CNTNAP2: variants seen among roughly 807,000 people sequenced by gnomAD.
CNTNAP2 encodes contactin associated protein 2.
Under a neutral mutation model 155.2 loss-of-function variants are expected in CNTNAP2, and 98 were observed. The observed-to-expected ratio is 0.63, with a 90% CI of 0.54 to 0.75. The LOEUF is 0.75. Ranked by LOEUF, CNTNAP2 falls within the 30% of genes least tolerant of loss-of-function variation. The pLI is 0.00. For missense variants in CNTNAP2, 1,727 were observed against 1,688.1 expected (o/e 1.02, Z -0.40); for synonymous variants, 651 against 631.2 (o/e 1.03, Z -0.47).
intron 3 of CNTNAP2, among the ~76,000 whole-genome samples, chr7:146,871,764 C>CA: frequency 6.6e-6 from 1 of 151,708 alleles, no homozygotes; most frequent in Non-Finnish European, 1.5e-5. Flanking sequence ...TTTATTATTT[C>CA]AAAAAAACTA....
chr7:147,063,429 C>T (rs1383746770), intron 4 of CNTNAP2, among the ~76,000 whole-genome samples: 1 of 152,078 alleles, frequency 6.6e-6, no homozygotes, highest in Non-Finnish European at 1.5e-5. Context: ...AGGTATGGGA[C>T]ACACTTGGGT....
Position 147,386,503 on chromosome 7 carries a change from G to A in CNTNAP2, c.1499-9106G>A, listed in dbSNP as rs567167492. Among the ~76,000 whole-genome samples, 146 of 152,126 alleles carry A rather than the reference G, an allele frequency of 9.6e-4. 1 individual carries two copies. The highest frequency in any genetic ancestry group is 2.9e-3 in the Admixed American group (44 of 15,262). Reference sequence around the variant, plus strand: ...ACCCTAAATCACCTATCTGAAGTTCGAAGTTTCACAAATCTCTAGGGCAGG... The same window carrying A: ...ACCCTAAATCACCTATCTGAAGTTCAAAGTTTCACAAATCTCTAGGGCAGG... On this transcript the variant is annotated intron_variant, in intron 9 of 23. Coordinates refer to ENST00000361727, the MANE Select transcript of CNTNAP2 (RefSeq NM_014141.6).
At chr7:148,062,004 TAGATG>T (rs1803161648) in intron 15 of CNTNAP2, among the ~76,000 whole-genome samples, 1 of 98,504 alleles carries the variant, frequency 1.0e-5, no homozygotes, top group African/African-American at 5.5e-5. Context: ...GATAGATAGA[TAGATG>T]ATAGAGAGAG....
At chr7:147,425,636 T>C (rs1457092086) in intron 10 of CNTNAP2, among the ~76,000 whole-genome samples, 1 of 152,152 alleles carries the variant, frequency 6.6e-6, no homozygotes, top group African/African-American at 2.4e-5. Context: ...TCTGGATCTT[T>C]CTCTGATAAC....
intron 6 of CNTNAP2, among the ~76,000 whole-genome samples, chr7:147,123,543 G>T (rs1801163585): frequency 6.6e-6 from 1 of 152,202 alleles, no homozygotes; most frequent in South Asian, 2.1e-4. Context: ...TTATTTATTA[G>T]ACAGAAACAG....
intron 1 of CNTNAP2, among the ~76,000 whole-genome samples, chr7:146,659,777 C>T (rs1800056305): frequency 6.6e-6 from 1 of 152,174 alleles, no homozygotes; most frequent in Non-Finnish European, 1.5e-5. Context: ...CTTATCAGCC[C>T]TTTTCAGGAT....
At chr7:148,006,667 T>G (rs1460814080) in intron 15 of CNTNAP2, among the ~76,000 whole-genome samples, 1 of 150,786 alleles carries the variant, frequency 6.6e-6, no homozygotes, top group Non-Finnish European at 1.5e-5. Context: ...AAAACTGAGT[T>G]AGGCTTACAG....
chr7:147,076,267 A>G (rs1165023116), intron 4 of CNTNAP2, among the ~76,000 whole-genome samples: 1 of 152,074 alleles, frequency 6.6e-6, no homozygotes, highest in Non-Finnish European at 1.5e-5. Context: ...AAGTGTTCCT[A>G]TTTCTCCACA....
intron 22 of CNTNAP2, among the ~76,000 whole-genome samples, chr7:148,391,770 G>C (rs958606331): frequency 1.3e-5 from 2 of 152,120 alleles, no homozygotes; most frequent in African/African-American, 4.8e-5. Flanking sequence ...GCCACAGATG[G>C]CAGTGCACAT....
chr7:147,935,910 T>C (rs1019979366), intron 14 of CNTNAP2, among the ~76,000 whole-genome samples: 1 of 152,236 alleles, frequency 6.6e-6, no homozygotes, highest in Non-Finnish European at 1.5e-5. Context: ...GCATGCAGAA[T>C]GTCAAGCTAT....
chr7:146,427,974 T>G (rs1248371412), intron 1 of CNTNAP2, among the ~76,000 whole-genome samples: 1 of 152,190 alleles, frequency 6.6e-6, no homozygotes, highest in East Asian at 1.9e-4. Context: ...CTCCCACGTA[T>G]GCGTGAGAAC....
chr7:147,110,086 G>A (rs1015468180), intron 5 of CNTNAP2, among the ~76,000 whole-genome samples: 17 of 151,782 alleles, frequency 1.1e-4, no homozygotes, highest in Admixed American at 2.6e-4. Flanking sequence ...CACCATGCCC[G>A]GTTAATTTTT....
rs5888253 is a variant in CNTNAP2 at position 147,425,214 on chromosome 7, C to CA, written c.1670+29446dup. 2.9e-4 allele frequency among the ~76,000 whole-genome samples: 42 copies of CA among 144,966 alleles called. 1 individual carries two copies. Among genetic ancestry groups the CA allele is most frequent in the Middle Eastern group, 3.6e-3 (1 of 280 alleles). On this transcript the variant is annotated intron_variant, in intron 10 of 23. Coordinates refer to ENST00000361727, the MANE Select transcript of CNTNAP2 (RefSeq NM_014141.6). ...GTTCAATAGAAGTGTTTCTAAACGA[C>CA]AAAAAAAAAAAATTGTTATTCTCCT...
chr7:148,261,759 C>T (rs1228434795), intron 20 of CNTNAP2, among the ~76,000 whole-genome samples: 1 of 152,110 alleles, frequency 6.6e-6, no homozygotes, highest in East Asian at 1.9e-4. Flanking sequence ...GGGCAGGTTG[C>T]CATGGCTGAG....
chr7:147,322,551 C>A (rs924080295), intron 9 of CNTNAP2, among the ~76,000 whole-genome samples: 2 of 151,230 alleles, frequency 1.3e-5, no homozygotes, highest in African/African-American at 4.9e-5. Context: ...TTGGTTGTGT[C>A]TCTGCCCGGC....
chr7:147,990,005 G>T (rs1231394787), intron 15 of CNTNAP2, among the ~76,000 whole-genome samples: 1 of 152,100 alleles, frequency 6.6e-6, no homozygotes, highest in African/African-American at 2.4e-5. Flanking sequence ...CACACCAGCT[G>T]CAAACTTGGG....
chr7:148,317,446 T>G (rs1272336373), intron 21 of CNTNAP2, among the ~76,000 whole-genome samples: 2 of 152,238 alleles, frequency 1.3e-5, no homozygotes, highest in Admixed American at 1.3e-4. Flanking sequence ...CCTGTAATCC[T>G]AATGCTTTGG....
At chr7:147,997,573 AT>A (rs1030998106) in intron 15 of CNTNAP2, among the ~76,000 whole-genome samples, 5 of 139,270 alleles carry the variant, frequency 3.6e-5, no homozygotes, top group Admixed American at 7.1e-5. Flanking sequence ...AAAAAAAAAA[AT>A]TTAAACAAGA....
At chr7:148,284,273 T>C (rs920925405) in intron 21 of CNTNAP2, among the ~76,000 whole-genome samples, 1 of 151,896 alleles carries the variant, frequency 6.6e-6, no homozygotes, top group African/African-American at 2.4e-5. Context: ...CATGGGGGGG[T>C]TTCCCCCATA....
Sources: gnomAD v4.1 joint callset for allele counts (sites outside exome capture counted in the v4.1 genomes callset) on GRCh38, gnomAD v4.1.1 for gene constraint, MANE v1.5 for transcripts, NCBI Gene and HGNC (gene_info 2026-07-23, HGNC 2026-07-21) for gene names.